HSD17B4: variants seen among roughly 807,000 people sequenced by gnomAD.
HSD17B4 encodes the protein hydroxysteroid 17-beta dehydrogenase 4.
Under a neutral mutation model 101.0 loss-of-function variants are expected in HSD17B4, and 70 were observed. The ratio of observed to expected loss-of-function variants is 0.69; its 90% CI spans 0.57 to 0.85. HSD17B4 has a LOEUF of 0.85. HSD17B4 is among the 40% of genes least tolerant of loss of function. The pLI is 0.00. For synonymous variants in HSD17B4, 347 were observed against 297.1 expected (o/e 1.17, Z -1.73); for missense variants, 984 against 892.4 (o/e 1.10, Z -1.31).
At chr5:119,494,376 T>TCTTC (rs1554064704) in intron 11 of HSD17B4, among the ~76,000 whole-genome samples, 29 of 150,634 alleles carry the variant, frequency 1.9e-4, no homozygotes, top group African/African-American at 6.9e-4. Context: ...TTTCTTTCTT[T>TCTTC]CTTTCTTTCT....
At chr5:119,531,486 AAGGT>A in intron 22 of HSD17B4, 82 bp downstream of exon 22, 1 of 1,370,392 alleles carries the variant, frequency 7.3e-7, no homozygotes, top group Non-Finnish European at 1.0e-6. Context: ...AAGACCTTTG[AAGGT>A]AGGTAAATCT....
intron 1 of HSD17B4, chr5:119,452,862 C>T (rs1250798666): frequency 2.0e-6 from 3 of 1,535,316 alleles, no homozygotes; most frequent in Non-Finnish European, 2.6e-6. Flanking sequence ...GTGGGCTTCC[C>T]AAGGTCCTGC....
At chr5:119,510,600 T>C (rs1451758300) in intron 16 of HSD17B4, among the ~76,000 whole-genome samples, 1 of 152,200 alleles carries the variant, frequency 6.6e-6, no homozygotes, top group African/African-American at 2.4e-5. Flanking sequence ...TTGTAAAAAA[T>C]TATTTTAAAA....
intron 1 of HSD17B4, 123 bp downstream of exon 1, chr5:119,452,756 G>A: frequency 1.3e-6 from 2 of 1,582,852 alleles, no homozygotes; most frequent in Non-Finnish European, 8.5e-7. Context: ...GGAGGGGAAT[G>A]GTTATTCTTG....
chr5:119,460,807 G>T (rs752839558), intron 2 of HSD17B4, among the ~76,000 whole-genome samples: 6 of 152,094 alleles, frequency 3.9e-5, no homozygotes, highest in Non-Finnish European at 8.8e-5. Flanking sequence ...GTGCTGTGGA[G>T]AAAAAAATGA....
At chr5:119,531,468 A>T in intron 22 of HSD17B4, 64 bp downstream of exon 22, 1 of 1,508,982 alleles carries the variant, frequency 6.6e-7, no homozygotes, top group Non-Finnish European at 9.2e-7. Context: ...GTATCTTTTT[A>T]ACAATTAAAG....
rs1242332648 is a variant in HSD17B4 at position 119,509,158 on chromosome 5, A to G, written c.1351A>G (p.Lys451Glu). 6.3e-7 allele frequency: 1 copy of G among 1,587,054 alleles called. No homozygotes were observed. Among genetic ancestry groups the G allele is most frequent in the Non-Finnish European group, 8.7e-7 (1 of 1,155,594 alleles). ...CTTTTCAGTCTATTCTTATTCTGAG[A>G]AGGAACTTATATGCCACAATCAGTT... ...IIMDVYSYSE[K>E]ELICHNQFSL... The change falls in exon 16 of 24, where the codon AAG becomes GAG. Residue 451 changes from lysine to glutamate, a missense_variant. Lys to Glu is a moderately conservative substitution (Grantham distance 56). Coordinates refer to ENST00000510025, the MANE Select transcript of HSD17B4 (RefSeq NM_000414.4).
intron 20 of HSD17B4, among the ~76,000 whole-genome samples, chr5:119,529,567 TGCCCAAAA>T (rs1753880484): frequency 6.6e-6 from 1 of 151,900 alleles, no homozygotes; most frequent in Admixed American, 6.6e-5. Flanking sequence ...CCCCAAAAAA[TGCCCAAAA>T]TACCAAGGCC....
At chr5:119,505,062 G>T (rs1337447661) in intron 14 of HSD17B4, among the ~76,000 whole-genome samples, 1 of 152,082 alleles carries the variant, frequency 6.6e-6, no homozygotes, top group East Asian at 1.9e-4. Context: ...ATGGTTGTAG[G>T]TGTGTGGGTT....
intron 17 of HSD17B4, among the ~76,000 whole-genome samples, chr5:119,518,952 A>G (rs1444089151): frequency 2.0e-5 from 3 of 151,914 alleles, no homozygotes; most frequent in Admixed American, 1.3e-4. Context: ...TGGGGCAAGA[A>G]CTTGTCTCCA....
chr5:119,540,124 C>T (rs1754865812), intron 23 of HSD17B4, among the ~76,000 whole-genome samples: 1 of 152,052 alleles, frequency 6.6e-6, no homozygotes, highest in East Asian at 1.9e-4. Context: ...CTGGAAAGCA[C>T]AGTGCTTCCA....
intron 2 of HSD17B4, among the ~76,000 whole-genome samples, chr5:119,465,567 C>T (rs1447108936): frequency 6.6e-6 from 1 of 152,206 alleles, no homozygotes; most frequent in African/African-American, 2.4e-5. Context: ...CCAATTAAAC[C>T]TCTTTTCTTT....
At chr5:119,477,654 A>T (rs1748715916) in intron 7 of HSD17B4, 153 bp downstream of exon 7, 1 of 664,276 alleles carries the variant, frequency 1.5e-6, no homozygotes, top group Non-Finnish European at 2.8e-6. Context: ...ACATACCCTC[A>T]TTAAATTGGT....
intron 4 of HSD17B4, among the ~76,000 whole-genome samples, chr5:119,475,130 G>GAACCATGTTC (rs1225245012): frequency 6.6e-6 from 1 of 151,974 alleles, no homozygotes; most frequent in Non-Finnish European, 1.5e-5. Context: ...GAACTCATAA[G>GAACCATGTTC]AACCATGTTC....
In HSD17B4 at chr5:119,533,846, G is replaced by A. The variant is rs149609853; in HGVS notation, c.1993+2442G>A. Among the ~76,000 whole-genome samples, 60 of 152,166 alleles carry A rather than the reference G, an allele frequency of 3.9e-4. 1 individual carries two copies. The highest frequency in any genetic ancestry group is 1.4e-3 in the African/African-American group (58 of 41,556). ...AATCTTTGTTGGTCCTGCTGTTCCT[G>A]TTCACTTTATGGAATAATGGTTCTA... On this transcript the variant is annotated intron_variant, in intron 22 of 23. Transcript: ENST00000510025.
chr5:119,489,810 T>C (rs1749934637), intron 9 of HSD17B4, among the ~76,000 whole-genome samples: 1 of 152,112 alleles, frequency 6.6e-6, no homozygotes, highest in Admixed American at 6.5e-5. Flanking sequence ...TTATTTATTT[T>C]TACATAAAAA....
At chr5:119,490,790 A>G (rs1190222883) in intron 9 of HSD17B4, among the ~76,000 whole-genome samples, 1 of 151,930 alleles carries the variant, frequency 6.6e-6, no homozygotes, top group East Asian at 1.9e-4. Flanking sequence ...CTGGTCTGGA[A>G]CTCCTGACCT....
intron 2 of HSD17B4, among the ~76,000 whole-genome samples, chr5:119,458,441 C>T (rs1000218176): frequency 3.3e-5 from 5 of 150,894 alleles, no homozygotes; most frequent in Admixed American, 2.6e-4. Flanking sequence ...CCTCCGGGTT[C>T]AAGCAGTTCT....
intron 9 of HSD17B4, among the ~76,000 whole-genome samples, chr5:119,490,095 T>C (rs7723390): frequency 0.13 from 19,393 of 151,920 alleles, 1,999 homozygotes; most frequent in African/African-American, 0.29. Flanking sequence ...TAAACCTGGC[T>C]CAATTTAAAG....
Sources: gnomAD v4.1 joint callset for allele counts (sites outside exome capture counted in the v4.1 genomes callset) on GRCh38, gnomAD v4.1.1 for gene constraint, MANE v1.5 for transcripts, NCBI Gene and HGNC (gene_info 2026-07-23, HGNC 2026-07-21) for gene names.